IFT43: variants seen among roughly 807,000 people sequenced by gnomAD.
IFT43 encodes the protein intraflagellar transport 43.
A neutral mutation model predicts 32.3 loss-of-function variants in IFT43; 33 were observed. That is an observed-to-expected ratio of 1.02 (90% CI 0.77 to 1.37). The LOEUF (loss-of-function observed/expected upper bound fraction) is 1.37, where lower values mean the gene tolerates loss of function less well. Among genes scored for constraint, IFT43 ranks in the 40% most tolerant of loss-of-function variants. IFT43 has a pLI of 0.00. For synonymous variants in IFT43, 93 were observed against 98.2 expected (o/e 0.95, Z 0.31); for missense variants, 274 against 265.9 (o/e 1.03, Z -0.21).
At chr14:76,034,964 A>C (rs1389023607) in intron 3 of IFT43, among the ~76,000 whole-genome samples, 2 of 152,234 alleles carry the variant, frequency 1.3e-5, no homozygotes, top group Non-Finnish European at 2.9e-5. Context: ...AACTTGGTAA[A>C]GAGAGGAAGG....
chr14:76,007,962 C>T (rs1449077977), intron 2 of IFT43, among the ~76,000 whole-genome samples: 2 of 152,278 alleles, frequency 1.3e-5, no homozygotes, highest in South Asian at 2.1e-4. Flanking sequence ...TTTGGATCCG[C>T]CTCTTCAACA....
intron 2 of IFT43, among the ~76,000 whole-genome samples, chr14:76,014,531 A>G (rs2036146356): frequency 6.6e-6 from 1 of 152,152 alleles, no homozygotes; most frequent in African/African-American, 2.4e-5. Flanking sequence ...AAGTAACAAA[A>G]TTTTGCTACA....
chr14:75,993,379 T>C lies in IFT43; in HGVS notation c.147+4402T>C, dbSNP rs2035679512. Among the ~76,000 whole-genome samples the C allele has an allele frequency of 3.3e-5, 5 of 152,332 alleles. No individual in the cohort carries two copies. In the South Asian group the frequency reaches 1.0e-3, roughly 32 times the overall value. ...GGTTGACATTCCCACATGGCGGCAATTGGCTGGTGCTGCAGCTGCTGATAG... is the reference window on the plus strand; with the variant it reads ...GGTTGACATTCCCACATGGCGGCAACTGGCTGGTGCTGCAGCTGCTGATAG... On this transcript the variant is annotated intron_variant, in intron 2 of 8. Coordinates refer to ENST00000314067, the MANE Select transcript of IFT43 (RefSeq NM_001102564.3).
intron 3 of IFT43, among the ~76,000 whole-genome samples, chr14:76,055,383 A>G (rs994826774): frequency 2.0e-5 from 3 of 152,020 alleles, no homozygotes; most frequent in African/African-American, 7.2e-5. Context: ...AAATAAAAAT[A>G]TACTTCATGA....
chr14:76,000,768 G>A (rs1279578882), intron 2 of IFT43, among the ~76,000 whole-genome samples: 1 of 152,172 alleles, frequency 6.6e-6, no homozygotes, highest in Non-Finnish European at 1.5e-5. Flanking sequence ...AAGTGGGAGA[G>A]AAGGAGAGTC....
chr14:76,012,382 T>A (rs144296679), intron 2 of IFT43, among the ~76,000 whole-genome samples: 2 of 152,220 alleles, frequency 1.3e-5, no homozygotes, highest in African/African-American at 4.8e-5. Flanking sequence ...ATTCCAGTTA[T>A]TGAATCCTAG....
In IFT43 at chr14:76,059,565, A is replaced by G. The variant is rs1594853939; in HGVS notation, c.295+192A>G. 8.0e-6 allele frequency: 5 copies of G among 624,170 alleles called. No individual in the cohort carries two copies. In the East Asian group the frequency reaches 1.2e-4, roughly 15 times the overall value. 38.7% of individuals were successfully genotyped at this position (624,170 alleles called of 1,614,324 possible). A position where few individuals can be genotyped will look rare whatever the true frequency, so the allele number is the denominator to read the frequency against. On this transcript the variant is annotated intron_variant, in intron 5 of 8. Coordinates refer to ENST00000314067, the MANE Select transcript of IFT43 (RefSeq NM_001102564.3). ...TACCTGGAGTATCTCTCCCTTCTTT[A>G]TCTGATAACCCTGCTTATCCTTCAA...
intron 3 of IFT43, among the ~76,000 whole-genome samples, chr14:76,050,995 G>A (rs1036203512): frequency 1.3e-5 from 2 of 151,744 alleles, no homozygotes; most frequent in Middle Eastern, 3.2e-3. Context: ...GCAGCAGGGG[G>A]CAACATTCTC....
chr14:76,006,378 T>A (rs1373703563), intron 2 of IFT43, among the ~76,000 whole-genome samples: 1 of 152,298 alleles, frequency 6.6e-6, no homozygotes, highest in East Asian at 1.9e-4. Context: ...TGTTAGGCCA[T>A]TGTCAGCTGG....
chr14:76,002,222 G>C (rs536205130), intron 2 of IFT43, among the ~76,000 whole-genome samples: 1 of 152,306 alleles, frequency 6.6e-6, no homozygotes, highest in East Asian at 1.9e-4. Context: ...ACTCCAGCTT[G>C]GGCAACAAGG....
intron 1 of IFT43, chr14:75,986,129 C>G (rs927302719): frequency 1.4e-6 from 2 of 1,398,310 alleles, no homozygotes; most frequent in South Asian, 2.4e-5. Context: ...TTTCTAGAGC[C>G]CCGAGTGCGA....
intron 2 of IFT43, among the ~76,000 whole-genome samples, chr14:75,999,048 A>AT (rs1245346820): frequency 6.6e-6 from 1 of 150,588 alleles, no homozygotes; most frequent in Non-Finnish European, 1.5e-5. Flanking sequence ...ACATCTCTTT[A>AT]TTTTTTTCTC....
At chr14:76,008,171 C>T (rs1420798434) in intron 2 of IFT43, among the ~76,000 whole-genome samples, 1 of 152,118 alleles carries the variant, frequency 6.6e-6, no homozygotes, top group Admixed American at 6.5e-5. Context: ...ACTGTGGTTT[C>T]CTCTTCTTGA....
intron 5 of IFT43, among the ~76,000 whole-genome samples, chr14:76,060,398 T>C (rs1268453020): frequency 6.6e-6 from 1 of 151,970 alleles, no homozygotes; most frequent in East Asian, 1.9e-4. Context: ...TTTGTATTTT[T>C]AGTAGAGATG....
At chr14:75,993,255 T>A (rs2035676973) in intron 2 of IFT43, among the ~76,000 whole-genome samples, 1 of 152,230 alleles carries the variant, frequency 6.6e-6, no homozygotes, top group Admixed American at 6.5e-5. Context: ...TAAGAATTTT[T>A]AAATTTGGTT....
At chr14:76,016,530 G>T (rs909264026) in intron 2 of IFT43, among the ~76,000 whole-genome samples, 1 of 152,060 alleles carries the variant, frequency 6.6e-6, no homozygotes, top group Admixed American at 6.6e-5. Flanking sequence ...TGTTGCATTG[G>T]CTATTCAGGC....
intron 1 of IFT43, 64 bp from the exon 2 acceptor site, chr14:75,988,821 T>C: frequency 3.7e-6 from 6 of 1,611,194 alleles, no homozygotes; most frequent in Non-Finnish European, 5.1e-6. Flanking sequence ...CCCGGCTGGA[T>C]TGTCATCTCA....
At chr14:76,034,496 T>G (rs2036564483) in intron 3 of IFT43, among the ~76,000 whole-genome samples, 1 of 152,192 alleles carries the variant, frequency 6.6e-6, no homozygotes, top group African/African-American at 2.4e-5. Context: ...ACCTTATATG[T>G]GCATTACACC....
intron 1 of IFT43, chr14:75,986,081 C>T (rs1566691021): frequency 2.7e-6 from 4 of 1,472,524 alleles, no homozygotes; most frequent in South Asian, 1.2e-5. Context: ...TCCCCGCCGG[C>T]GTCTAGGACC....
Sources: allele counts gnomAD v4.1 joint callset (sites outside exome capture counted in the v4.1 genomes callset), GRCh38; gene constraint gnomAD v4.1.1; transcripts MANE v1.5; gene names NCBI Gene and HGNC (gene_info 2026-07-23, HGNC 2026-07-21).